The following DLG2 variants were observed in gnomAD, a reference collection of about 807,000 sequenced individuals.
The protein encoded by DLG2 is disks large homolog 2.
A neutral mutation model predicts 132.5 loss-of-function variants in DLG2; 45 were observed. The ratio of observed to expected loss-of-function variants is 0.34; its 90% CI spans 0.27 to 0.44. The LOEUF (loss-of-function observed/expected upper bound fraction) is 0.44, where lower values mean the gene tolerates loss of function less well. DLG2 is among the 20% of genes least tolerant of loss of function. The pLI, the probability that DLG2 is intolerant of heterozygous loss-of-function variation, is 1.00. For missense variants in DLG2, 1,045 were observed against 1,196.9 expected (o/e 0.87, Z 1.87); for synonymous variants, 424 against 419.6 (o/e 1.01, Z -0.13).
intron 6 of DLG2, among the ~76,000 whole-genome samples, chr11:84,595,009 G>A (rs898485878): frequency 6.6e-6 from 1 of 152,164 alleles, no homozygotes; most frequent in Non-Finnish European, 1.5e-5. Context: ...CATGCAAAAA[G>A]TAGATCACAA....
intron 4 of DLG2, among the ~76,000 whole-genome samples, chr11:85,256,524 A>T (rs2076672114): frequency 6.6e-6 from 1 of 152,180 alleles, no homozygotes; most frequent in African/African-American, 2.4e-5. Flanking sequence ...TGGCAAAGCT[A>T]AAAAAGCACA....
chr11:85,127,750 C>T (rs1330735151), intron 5 of DLG2, among the ~76,000 whole-genome samples: 4 of 152,166 alleles, frequency 2.6e-5, no homozygotes, highest in African/African-American at 9.6e-5. Flanking sequence ...TGATTTGTTT[C>T]ATTTTCTCTA....
intron 6 of DLG2, among the ~76,000 whole-genome samples, chr11:85,108,360 G>C (rs1478378350): frequency 6.6e-6 from 1 of 152,042 alleles, no homozygotes; most frequent in African/African-American, 2.4e-5. Flanking sequence ...CTGTAAGTAT[G>C]AATTAATTTA....
intron 18 of DLG2, among the ~76,000 whole-genome samples, chr11:83,656,358 A>T (rs559785804): frequency 2.0e-5 from 3 of 152,120 alleles, no homozygotes; most frequent in Non-Finnish European, 4.4e-5. Flanking sequence ...TCCACCCATC[A>T]TTTCCTCTCC....
rs186989843 is a variant in DLG2 at position 83,531,582 on chromosome 11, C to G, written c.2193+1126G>C. Among the ~76,000 whole-genome samples the G allele has an allele frequency of 2.6e-5, 4 of 152,066 alleles. No individual in the cohort carries two copies. The East Asian group carries it at 7.7e-4, about 29-fold the overall frequency. The stretch of plus-strand genomic sequence containing the variant: ...ATGGTGCAACCACTTTGGAAAACAG[C>G]CTGTCAGTTCCTCAAAATGTTAAGC... On this transcript the variant is annotated intron_variant, in intron 21 of 27. Coordinates refer to ENST00000376104, the MANE Select transcript of DLG2 (RefSeq NM_001142699.3).
intron 6 of DLG2, among the ~76,000 whole-genome samples, chr11:84,885,770 C>A (rs1156426750): frequency 2.0e-5 from 3 of 152,014 alleles, no homozygotes. Flanking sequence ...AACATTGACC[C>A]TTTTAGGATA....
At chr11:85,595,829 G>T (rs779341609) in intron 3 of DLG2, among the ~76,000 whole-genome samples, 4 of 152,074 alleles carry the variant, frequency 2.6e-5, no homozygotes, top group Non-Finnish European at 5.9e-5. Context: ...TATAATCAAA[G>T]TTATGTTACA....
intron 18 of DLG2, among the ~76,000 whole-genome samples, chr11:83,660,640 A>G (rs1469324510): frequency 6.6e-6 from 1 of 152,214 alleles, no homozygotes; most frequent in African/African-American, 2.4e-5. Context: ...TCACCTTGGT[A>G]ACACTGCCCA....
At chr11:85,402,754 C>T (rs1328836839) in intron 3 of DLG2, among the ~76,000 whole-genome samples, 1 of 152,182 alleles carries the variant, frequency 6.6e-6, no homozygotes, top group African/African-American at 2.4e-5. Flanking sequence ...CTCATCACCA[C>T]TGGTCATTAG....
At chr11:84,890,341 A>C (rs2089150143) in intron 6 of DLG2, among the ~76,000 whole-genome samples, 1 of 152,194 alleles carries the variant, frequency 6.6e-6, no homozygotes. Flanking sequence ...GACATCAGGC[A>C]GATGATTAAT....
In DLG2 at chr11:84,395,878, A is replaced by G. The variant is rs369321540; in HGVS notation, c.519+138692T>C. Among the ~76,000 whole-genome samples, 7 of 152,120 alleles carry G rather than the reference A, an allele frequency of 4.6e-5. No individual in the cohort carries two copies. The East Asian group carries it at 1.2e-3, about 25-fold the overall frequency. On this transcript the variant is annotated intron_variant, in intron 7 of 27. Coordinates refer to ENST00000376104, the MANE Select transcript of DLG2 (RefSeq NM_001142699.3). ...CAAAGGGATGGTTGGTCCAAGAAAC[A>G]TAGTCCACTATTTGTCAGAAACAGA...
intron 10 of DLG2, among the ~76,000 whole-genome samples, chr11:84,092,684 G>A (rs375679703): frequency 2.0e-5 from 3 of 151,994 alleles, no homozygotes; most frequent in African/African-American, 4.8e-5. Context: ...CTATGATTTC[G>A]CACACACAGG....
chr11:84,152,544 G>A (rs2095325640), intron 9 of DLG2, among the ~76,000 whole-genome samples: 1 of 151,686 alleles, frequency 6.6e-6, no homozygotes, highest in African/African-American at 2.4e-5. Context: ...CCACCACCAT[G>A]CCCGGCTAAT....
intron 10 of DLG2, among the ~76,000 whole-genome samples, chr11:84,060,881 T>G (rs1017650423): frequency 6.6e-6 from 1 of 152,162 alleles, no homozygotes; most frequent in Admixed American, 6.5e-5. Flanking sequence ...TTCTTCATCT[T>G]CATTGCTACC....
intron 2 of DLG2, among the ~76,000 whole-genome samples, chr11:85,619,332 C>A (rs1311655181): frequency 6.6e-6 from 1 of 151,916 alleles, no homozygotes; most frequent in Non-Finnish European, 1.5e-5. Context: ...CACATGCCAA[C>A]AAGCCCAGCT....
intron 5 of DLG2, among the ~76,000 whole-genome samples, chr11:85,136,883 G>A (rs1471344691): frequency 6.6e-6 from 1 of 152,044 alleles, no homozygotes; most frequent in Non-Finnish European, 1.5e-5. Context: ...TTAGTGGAAT[G>A]AAAGAATAAT....
intron 4 of DLG2, among the ~76,000 whole-genome samples, chr11:85,183,661 C>T (rs2079886408): frequency 6.6e-6 from 1 of 151,928 alleles, no homozygotes; most frequent in African/African-American, 2.4e-5. Flanking sequence ...TGTTGTACCC[C>T]ATTTACTGCA....
intron 6 of DLG2, among the ~76,000 whole-genome samples, chr11:84,843,479 T>C (rs1263609103): frequency 6.6e-6 from 1 of 151,836 alleles, no homozygotes; most frequent in Non-Finnish European, 1.5e-5. Flanking sequence ...TAAGTACATT[T>C]TAGCCACCTC....
chr11:84,821,216 T>C (rs968456491), intron 6 of DLG2, among the ~76,000 whole-genome samples: 1 of 151,846 alleles, frequency 6.6e-6, no homozygotes, highest in African/African-American at 2.4e-5. Context: ...AACAACTGTG[T>C]CTTCCCAAAG....
Sources: gnomAD v4.1 joint callset for allele counts (sites outside exome capture counted in the v4.1 genomes callset) on GRCh38, gnomAD v4.1.1 for gene constraint, MANE v1.5 for transcripts, NCBI Gene and HGNC (gene_info 2026-07-23, HGNC 2026-07-21) for gene names.